LY96: variants seen among roughly 807,000 people sequenced by gnomAD.
The protein encoded by LY96 is lymphocyte antigen 96, also known as myeloid differentiation protein-2.
LY96 carries 18 observed loss-of-function variants against 18.9 expected under a neutral mutation model. The observed-to-expected ratio is 0.95, with a 90% CI of 0.66 to 1.41. The LOEUF is 1.41. Among genes scored for constraint, LY96 ranks in the 40% most tolerant of loss-of-function variants. LY96 has a pLI of 0.00. For missense variants in LY96, 175 were observed against 182.4 expected (o/e 0.96, Z 0.23); for synonymous variants, 66 against 62.6 (o/e 1.06, Z -0.26).
At chr8:74,066,213 AG>A in the LY96 span, among the ~76,000 whole-genome samples, 513 of 152,240 alleles carry the variant, frequency 3.4e-3, 7 homozygotes, top group Non-Finnish European at 3.5e-4. Context: ...CTCATATGGC[AG>A]AAGGGGTAGT....
the LY96 span, among the ~76,000 whole-genome samples, chr8:74,098,906 G>C: frequency 1.3e-4 from 20 of 152,234 alleles, no homozygotes; most frequent in South Asian, 3.3e-3. Flanking sequence ...CAGTCTGAAA[G>C]GGGTCCTAGA....
At chr8:74,062,767 A>G in the LY96 span, among the ~76,000 whole-genome samples, 1 of 152,128 alleles carries the variant, frequency 6.6e-6, no homozygotes, top group East Asian at 1.9e-4. Context: ...TAGTTTACAG[A>G]TGAGTAAAAT....
chr8:74,054,612 TTTTCCTTC>T, the LY96 span, among the ~76,000 whole-genome samples: 92 of 69,766 alleles, frequency 1.3e-3, 1 homozygote, highest in African/African-American at 4.7e-3. Flanking sequence ...TCTTGTTTCC[TTTTCCTTC>T]TTTCTTTCTT....
chr8:74,091,189 A>G, the LY96 span, among the ~76,000 whole-genome samples: 1 of 152,156 alleles, frequency 6.6e-6, no homozygotes, highest in Non-Finnish European at 1.5e-5. Flanking sequence ...GGGACATTCT[A>G]TGAACACTTT....
the LY96 span, among the ~76,000 whole-genome samples, chr8:74,058,297 T>G: frequency 1.1e-4 from 16 of 152,340 alleles, no homozygotes; most frequent in East Asian, 3.1e-3. Flanking sequence ...TTAATTATAT[T>G]AAGCTGATCC....
chr8:74,019,240 C>G (rs1034828567), intron 3 of LY96, among the ~76,000 whole-genome samples: 3 of 152,128 alleles, frequency 2.0e-5, no homozygotes, highest in African/African-American at 7.2e-5. Context: ...AAGGGGATAT[C>G]ACCACCGTTC....
the LY96 span, among the ~76,000 whole-genome samples, chr8:74,045,732 G>C: frequency 2.6e-5 from 4 of 152,104 alleles, no homozygotes; most frequent in Non-Finnish European, 5.9e-5. Flanking sequence ...GGAGACAGAG[G>C]GGCCTGTCTG....
intron 1 of LY96, among the ~76,000 whole-genome samples, chr8:73,992,267 G>T (rs1456483246): frequency 6.6e-6 from 1 of 152,110 alleles, no homozygotes; most frequent in African/African-American, 2.4e-5. Context: ...ACAGTGTCAG[G>T]CCTGACAGCT....
chr8:74,018,377 C>G (rs1439730570), intron 3 of LY96, among the ~76,000 whole-genome samples: 1 of 152,130 alleles, frequency 6.6e-6, no homozygotes, highest in African/African-American at 2.4e-5. Flanking sequence ...AGCTAACTAT[C>G]CTAAATATAT....
At chr8:74,035,559 A>G in the LY96 span, among the ~76,000 whole-genome samples, 2 of 152,202 alleles carry the variant, frequency 1.3e-5, no homozygotes, top group South Asian at 4.1e-4. Flanking sequence ...ATAACCTGAA[A>G]AACTGGTTCA....
chr8:74,072,296 T>A, the LY96 span, among the ~76,000 whole-genome samples: 1 of 152,212 alleles, frequency 6.6e-6, no homozygotes, highest in South Asian at 2.1e-4. Context: ...TTGTTTATCT[T>A]GCAAGCCTGT....
chr8:74,082,469 A>G, the LY96 span, among the ~76,000 whole-genome samples: 1 of 152,192 alleles, frequency 6.6e-6, no homozygotes, highest in African/African-American at 2.4e-5. Context: ...ACAGAAACTT[A>G]AGAAAAATTT....
the LY96 span, among the ~76,000 whole-genome samples, chr8:74,056,852 G>A: frequency 1.3e-5 from 2 of 152,152 alleles, no homozygotes; most frequent in African/African-American, 4.8e-5. Context: ...TGTCTTGTAA[G>A]ACCCTGAGCG....
At chr8:74,007,090 T>A (rs543092932) in intron 2 of LY96, among the ~76,000 whole-genome samples, 1 of 152,248 alleles carries the variant, frequency 6.6e-6, no homozygotes, top group East Asian at 1.9e-4. Flanking sequence ...TGAGACACTC[T>A]TGGGCTGGGC....
At chr8:74,041,570 C>A in the LY96 span, among the ~76,000 whole-genome samples, 2 of 152,076 alleles carry the variant, frequency 1.3e-5, no homozygotes, top group African/African-American at 4.8e-5. Context: ...ATAATTAAGA[C>A]CATGGGAAAG....
chr8:74,025,206 T>G (rs974447997), intron 3 of LY96, among the ~76,000 whole-genome samples: 3 of 152,192 alleles, frequency 2.0e-5, no homozygotes, highest in Non-Finnish European at 2.9e-5. Flanking sequence ...TACCATTGTC[T>G]TCCCAGGCCC....
the LY96 span, among the ~76,000 whole-genome samples, chr8:74,062,180 G>A: frequency 6.6e-6 from 1 of 152,122 alleles, no homozygotes; most frequent in South Asian, 2.1e-4. Flanking sequence ...GTAACAGCAG[G>A]TGACATCTCT....
chr8:73,992,676 C>T (rs1816029680), intron 1 of LY96, among the ~76,000 whole-genome samples: 2 of 152,156 alleles, frequency 1.3e-5, no homozygotes, highest in Admixed American at 6.5e-5. Flanking sequence ...TGGCCCTTCT[C>T]CTGGTGGGTT....
chr8:74,063,830 G>T, the LY96 span, among the ~76,000 whole-genome samples: 2 of 151,908 alleles, frequency 1.3e-5, no homozygotes, highest in Non-Finnish European at 2.9e-5. Flanking sequence ...AGCCACTTTT[G>T]CTGTGCTCTT....
Sources: allele counts gnomAD v4.1 joint callset (sites outside exome capture counted in the v4.1 genomes callset), GRCh38; gene constraint gnomAD v4.1.1; transcripts MANE v1.5; gene names NCBI Gene and HGNC (gene_info 2026-07-23, HGNC 2026-07-21).